Variants in GMDS observed in about 807,000 individuals in gnomAD.
GMDS encodes the protein GDP-mannose 4,6 dehydratase.
Under a neutral mutation model 49.9 loss-of-function variants are expected in GMDS, and 20 were observed. That is an observed-to-expected ratio of 0.40 (90% CI 0.28 to 0.58). The LOEUF (loss-of-function observed/expected upper bound fraction) is 0.58, where lower values mean the gene tolerates loss of function less well. Among genes scored for constraint, GMDS ranks in the 20% least tolerant of loss-of-function variants. The pLI is 0.42. For missense variants in GMDS, 362 were observed against 481.4 expected (o/e 0.75, Z 2.32); for synonymous variants, 177 against 178.6 (o/e 0.99, Z 0.07).
At chr6:2,032,226 T>C (rs1160100801) in intron 4 of GMDS, among the ~76,000 whole-genome samples, 3 of 152,192 alleles carry the variant, frequency 2.0e-5, no homozygotes, top group Non-Finnish European at 4.4e-5. Context: ...ACTGGAGACA[T>C]ACAGCTATTC....
chr6:2,004,051 C>A (rs376219866), intron 4 of GMDS, among the ~76,000 whole-genome samples: 1 of 152,100 alleles, frequency 6.6e-6, no homozygotes, highest in Admixed American at 6.6e-5. Context: ...TGTGACAAGG[C>A]TCTTCTTCTC....
At chr6:1,653,942 C>A in intron 9 of GMDS, among the ~76,000 whole-genome samples, 1 of 152,102 alleles carries the variant, frequency 6.6e-6, no homozygotes, top group South Asian at 2.1e-4. Context: ...TAAAAGCAGA[C>A]AAAGTGGACT....
At chr6:1,886,426 A>AT (rs1759611195) in intron 7 of GMDS, among the ~76,000 whole-genome samples, 1 of 152,180 alleles carries the variant, frequency 6.6e-6, no homozygotes, top group African/African-American at 2.4e-5. Context: ...ATGCAAGTAG[A>AT]TTTTATATTA....
At chr6:2,022,762 A>G (rs1581530469) in intron 4 of GMDS, among the ~76,000 whole-genome samples, 1 of 152,178 alleles carries the variant, frequency 6.6e-6, no homozygotes, top group East Asian at 1.9e-4. Context: ...AAGAGCAGAG[A>G]TTTTACTTTA....
At chr6:1,918,056 T>C (rs994809746) in intron 7 of GMDS, among the ~76,000 whole-genome samples, 11 of 152,224 alleles carry the variant, frequency 7.2e-5, no homozygotes, top group Non-Finnish European at 1.6e-4. Flanking sequence ...ATTCTATATG[T>C]ATTTAAAAAT....
In GMDS at chr6:2,104,808, T is replaced by A. The variant is rs138331301; in HGVS notation, c.345+10963A>T. On this transcript the variant is annotated intron_variant, in intron 4 of 10. Transcript: ENST00000380815. The stretch of plus-strand genomic sequence containing the variant: ...AACAAAAGTTGAAATTTTAAGTCAC[T>A]TAAGTAAATAATTCCAATAAGATAA... 7.3e-4 allele frequency among the ~76,000 whole-genome samples: 111 copies of A among 152,318 alleles called. 2 individuals carry two copies. In the East Asian group the frequency reaches 0.019, roughly 26 times the overall value.
At chr6:2,049,240 T>C (rs988491251) in intron 4 of GMDS, among the ~76,000 whole-genome samples, 2 of 152,198 alleles carry the variant, frequency 1.3e-5, no homozygotes, top group Non-Finnish European at 2.9e-5. Flanking sequence ...AATTTATCTA[T>C]AGATTCATTA....
At chr6:2,141,612 AG>A (rs1479659885) in intron 1 of GMDS, among the ~76,000 whole-genome samples, 1 of 152,142 alleles carries the variant, frequency 6.6e-6, no homozygotes, top group African/African-American at 2.4e-5. Context: ...AGGGATGAAG[AG>A]GGGAGGGGAA....
chr6:2,091,971 G>A (rs1223121799), intron 4 of GMDS, among the ~76,000 whole-genome samples: 1 of 151,988 alleles, frequency 6.6e-6, no homozygotes, highest in Non-Finnish European at 1.5e-5. Context: ...ACAAGGATAG[G>A]GCTATATGAC....
intron 6 of GMDS, among the ~76,000 whole-genome samples, chr6:1,942,253 C>G (rs545057720): frequency 6.6e-6 from 1 of 152,316 alleles, no homozygotes; most frequent in South Asian, 2.1e-4. Context: ...TTCCATTAGT[C>G]AACTGCTCAT....
intron 9 of GMDS, among the ~76,000 whole-genome samples, chr6:1,646,385 A>G (rs1763484894): frequency 6.6e-6 from 1 of 152,044 alleles, no homozygotes; most frequent in South Asian, 2.1e-4. Context: ...ATTACTTGCC[A>G]AATAAAAGCC....
At chr6:2,245,236 G>T in intron 1 of GMDS, 85 bp downstream of exon 1, 2 of 949,060 alleles carry the variant, frequency 2.1e-6, no homozygotes, top group South Asian at 1.4e-5. Flanking sequence ...TTCCTGGAGA[G>T]ACCGCAGCCC....
intron 7 of GMDS, among the ~76,000 whole-genome samples, chr6:1,757,783 C>G (rs900325985): frequency 6.6e-6 from 1 of 152,194 alleles, no homozygotes; most frequent in African/African-American, 2.4e-5. Flanking sequence ...TATTCTAAAA[C>G]AGCACTGCCC....
At chr6:2,082,968 T>C (rs922259465) in intron 4 of GMDS, among the ~76,000 whole-genome samples, 2 of 152,248 alleles carry the variant, frequency 1.3e-5, no homozygotes. Context: ...ACAAGATGTC[T>C]TTTTAAGAAA....
chr6:2,183,258 C>A (rs1338226650), intron 1 of GMDS, among the ~76,000 whole-genome samples: 1 of 152,140 alleles, frequency 6.6e-6, no homozygotes, highest in East Asian at 1.9e-4. Context: ...GATAGGGATT[C>A]ACCATTCTAG....
At chr6:1,896,705 A>T (rs1424181376) in intron 7 of GMDS, among the ~76,000 whole-genome samples, 1 of 152,216 alleles carries the variant, frequency 6.6e-6, no homozygotes, top group African/African-American at 2.4e-5. Flanking sequence ...AGAAATCTGA[A>T]CAAAGGAATA....
chr6:1,655,059 CAAAA>C (rs66508419), intron 9 of GMDS, among the ~76,000 whole-genome samples: 8 of 117,312 alleles, frequency 6.8e-5, no homozygotes, highest in East Asian at 5.5e-4. Context: ...GATACCGTCT[CAAAA>C]AAAAAAAAAA....
intron 7 of GMDS, among the ~76,000 whole-genome samples, chr6:1,826,802 C>T (rs1447984922): frequency 6.6e-6 from 1 of 152,008 alleles, no homozygotes; most frequent in East Asian, 1.9e-4. Context: ...TGTGGTGGCT[C>T]ATGCCTGTAA....
chr6:2,063,815 CT>C (rs1368137992), intron 4 of GMDS, among the ~76,000 whole-genome samples: 2 of 152,204 alleles, frequency 1.3e-5, no homozygotes, highest in East Asian at 3.8e-4. Context: ...ACAAAAGTCA[CT>C]TTTGTTGCAT....
Sources: gnomAD v4.1 joint callset for allele counts (sites outside exome capture counted in the v4.1 genomes callset) on GRCh38, gnomAD v4.1.1 for gene constraint, MANE v1.5 for transcripts, NCBI Gene and HGNC (gene_info 2026-07-23, HGNC 2026-07-21) for gene names.